The following INF2 variants were observed in gnomAD, a reference collection of about 807,000 sequenced individuals.
INF2 encodes the protein inverted formin-2.
A neutral mutation model predicts 123.5 loss-of-function variants in INF2; 43 were observed. The observed-to-expected ratio is 0.35, with a 90% CI of 0.27 to 0.45. INF2 has a LOEUF of 0.45. Among genes scored for constraint, INF2 ranks in the 20% least tolerant of loss-of-function variants. The probability of loss-of-function intolerance (pLI) is 1.00; values close to 1 mark genes in which losing one functional copy is unlikely to be tolerated. For missense variants in INF2, 1,453 were observed against 1,682.7 expected (o/e 0.86, Z 2.39); for synonymous variants, 851 against 745.0 (o/e 1.14, Z -2.32).
At chr14:104,704,478 C>T (rs539744310) in intron 5 of INF2, 9 of 186,618 alleles carry the variant, frequency 4.8e-5, no homozygotes, top group African/African-American at 9.3e-5. Flanking sequence ...AGGAAGTGAG[C>T]GGTGGGCGGG....
At chr14:104,682,971 C>A (rs534321900) in intron 1 of INF2, among the ~76,000 whole-genome samples, 2 of 151,982 alleles carry the variant, frequency 1.3e-5, no homozygotes, top group Admixed American at 1.3e-4. Flanking sequence ...CAGAGTAACA[C>A]GGCTATACGG....
chr14:104,715,812 C>A, intron 22 of INF2: 1 of 463,584 alleles, frequency 2.2e-6, no homozygotes, highest in South Asian at 1.5e-5. Context: ...TGGCGTGGGG[C>A]CTTCTGGGGC....
intron 1 of INF2, among the ~76,000 whole-genome samples, chr14:104,683,288 T>A (rs1049789601): frequency 4.6e-5 from 7 of 151,896 alleles, no homozygotes; most frequent in African/African-American, 1.7e-4. Context: ...CCAGAATAAA[T>A]CCCAAGCATG....
At position 104,711,619 on chromosome 14, in the gene INF2, C is replaced by T. The variant is rs1345689717; in HGVS notation, c.2419-10C>T. ...CCACAGTGGATCTCACTGGACGTGT[C>T]CCATTGCAGGAAGCGGAAAAGAGCC... is the stretch of plus-strand genomic sequence containing the variant. On this transcript the variant is annotated splice_polypyrimidine_tract_variant and intron_variant, in intron 15 of 22. Transcript: ENST00000392634. 2 of 1,612,232 alleles carry T rather than the reference C, an allele frequency of 1.2e-6. No homozygotes were observed. Among genetic ancestry groups the T allele is most frequent in the South Asian group, 2.2e-5 (2 of 91,062 alleles).
chr14:104,714,996 G>A (rs533191203), intron 21 of INF2, 140 bp downstream of exon 21: 88 of 939,204 alleles, frequency 9.4e-5, no homozygotes, highest in African/African-American at 8.8e-4. Flanking sequence ...GAGAGGAGGC[G>A]GCAGTGCGTC....
upstream of INF2, among the ~76,000 whole-genome samples, chr14:104,688,205 C>T (rs1175277576): frequency 2.0e-5 from 3 of 152,256 alleles, no homozygotes; most frequent in Admixed American, 2.0e-4. Context: ...CCTTGGCTGG[C>T]TCCTCAGGCA....
chr14:104,706,982 C>G lies in INF2; in HGVS notation c.916C>G (p.Arg306Gly). Residue 306 changes from arginine to glycine, a missense_variant, in exon 7 of 23, where the codon CGC (arginine) becomes GGC (glycine). This residue lies in a region of INF2 where 374 missense variants were observed against 303.7 expected (regional missense o/e 1.23). Coordinates refer to ENST00000392634, the MANE Select transcript of INF2 (RefSeq NM_022489.4). ...CCTCCTGCACCTGGAGCCCACCCTC[C>G]GCTCCAGCCAGCTGCTCTGGGAGGC... ...QGLLHLEPTL[R>G]SSQLLWEALE... The G allele has an allele frequency of 6.3e-7, 1 of 1,599,636 alleles. No individual in the cohort carries two copies. The highest frequency in any genetic ancestry group is 8.5e-7 in the Non-Finnish European group (1 of 1,178,778).
At position 104,701,345 on chromosome 14, in the gene INF2, C is replaced by T. The variant is rs1889482378; in HGVS notation, c.-9-12C>T. 2 of 1,564,018 alleles carry T rather than the reference C, an allele frequency of 1.3e-6. No homozygotes were observed. The highest frequency in any genetic ancestry group is 1.4e-5 in the African/African-American group (1 of 73,696). ...CCCTCCCCGCTGACGGCTCCCTGCC[C>T]TCTGCCTGCAGCTCGGCAAGATGTC... is the stretch of plus-strand genomic sequence containing the variant. On this transcript the variant is annotated splice_polypyrimidine_tract_variant and intron_variant, in intron 1 of 22. Transcript: ENST00000392634.
In INF2 at chr14:104,707,815, A is replaced by C. The variant is rs1291086644; in HGVS notation, c.1548A>C (p.Pro516=). 1.8e-5 allele frequency: 20 copies of C among 1,125,106 alleles called. No individual in the cohort carries two copies. Among genetic ancestry groups the C allele is most frequent in the African/African-American group, 1.3e-4 (5 of 39,132 alleles). The allele number at this position is 1,125,106 out of a possible 1,614,324, so 69.7% of individuals were successfully genotyped here. Residue 516 remains proline, a synonymous_variant, in exon 8 of 23, where the codon CCA becomes CCC. Coordinates refer to ENST00000392634, the MANE Select transcript of INF2 (RefSeq NM_022489.4). The part of the protein sequence containing the change: ...LLPGMGWGPP[P]PPPPLLPCTC... The stretch of plus-strand genomic sequence containing the variant: ...CTGGTATGGGCTGGGGCCCTCCTCC[A>C]CCCCCACCTCCACTACTGCCCTGCA...
intron 1 of INF2, among the ~76,000 whole-genome samples, chr14:104,701,123 A>C (rs1889464733): frequency 6.6e-6 from 1 of 152,026 alleles, no homozygotes; most frequent in Non-Finnish European, 1.5e-5. Flanking sequence ...TCATGCGCGC[A>C]GTAGGGCCCT....
intron 1 of INF2, among the ~76,000 whole-genome samples, chr14:104,692,756 A>G (rs1181127179): frequency 6.6e-6 from 1 of 152,252 alleles, no homozygotes; most frequent in African/African-American, 2.4e-5. Context: ...GTCACAGCCC[A>G]GATGGGATGA....
chr14:104,709,262 G>A lies in INF2; in HGVS notation c.1950-19G>A, dbSNP rs745859621. ...ACTCATGATTCACTCACCCCTGCCC[G>A]GTCCTCTCCCTGCTCCAGCTCCAAC... On this transcript the variant is annotated intron_variant, in intron 10 of 22. Coordinates refer to ENST00000392634, the MANE Select transcript of INF2 (RefSeq NM_022489.4). The A allele has an allele frequency of 6.3e-6, 10 of 1,599,324 alleles. No homozygotes were observed. The highest frequency in any genetic ancestry group is 2.2e-5 in the East Asian group (1 of 44,728).
chr14:104,700,238 T>C (rs1889406540), intron 1 of INF2, among the ~76,000 whole-genome samples: 1 of 152,148 alleles, frequency 6.6e-6, no homozygotes, highest in African/African-American at 2.4e-5. Context: ...TGCCCAGGTG[T>C]GGGACTGTGG....
At position 104,718,994 on chromosome 14, in the gene INF2, C is replaced by G; in HGVS notation, c.*201C>G. ...AACCCGACAGGCACCAGTGCCCTGC[C>G]AGGCCTGGTGCCCTCCTGGACCGCC... On this transcript the variant is annotated 3_prime_UTR_variant, in exon 23 of 23. Coordinates refer to ENST00000392634, the MANE Select transcript of INF2 (RefSeq NM_022489.4). 1.5e-6 allele frequency: 2 copies of G among 1,293,850 alleles called. No individual in the cohort carries two copies. The highest frequency in any genetic ancestry group is 2.6e-5 in the East Asian group (1 of 38,204). The allele number at this position is 1,293,850 out of a possible 1,614,324, so 80.1% of individuals were successfully genotyped here.
At chr14:104,701,057 C>A (rs557679767) in intron 1 of INF2, among the ~76,000 whole-genome samples, 1 of 152,290 alleles carries the variant, frequency 6.6e-6, no homozygotes, top group East Asian at 1.9e-4. Flanking sequence ...GTGCTGGCCT[C>A]GTGCTGCAGG....
At chr14:104,683,268 G>A (rs1053061863) in intron 1 of INF2, among the ~76,000 whole-genome samples, 1 of 152,118 alleles carries the variant, frequency 6.6e-6, no homozygotes. Flanking sequence ...GTGGCTTCCT[G>A]GTGACCCTTC....
chr14:104,717,075 A>T (rs998332940), intron 22 of INF2, among the ~76,000 whole-genome samples: 1 of 152,200 alleles, frequency 6.6e-6, no homozygotes, highest in Non-Finnish European at 1.5e-5. Flanking sequence ...CGAAATTACA[A>T]CCATTTGCCA....
rs1889893121 is a variant in INF2, at chr14:104,708,552, A to T, written c.1852A>T (p.Met618Leu). 34 of 1,611,924 alleles carry T rather than the reference A, an allele frequency of 2.1e-5. No homozygotes were observed. The highest frequency in any genetic ancestry group is 2.9e-5 in the Non-Finnish European group (34 of 1,179,662). ...FPAAKPKEPT[M>L]VAPRARKEPK... ...TGCAGCCAAGCCCAAGGAGCCCACC[A>T]TGGTGGCCCCCCGGGCCAGGAAGGA... The change falls in exon 9 of 23, where the codon ATG becomes TTG. Residue 618 changes from methionine (M) to leucine (L), a missense_variant. By Grantham distance (15) the Met-to-Leu change is conservative (BLOSUM62 2). Around this residue, in one of 8 missense-constraint regions of INF2, gnomAD observed 192 missense variants for 274.4 expected, o/e 0.70. Transcript: ENST00000392634.
rs943505617 is a variant in INF2 at position 104,699,394 on chromosome 14, G to T, written c.-9-1963G>T. The T allele has an allele frequency of 1.0e-5, 10 of 985,240 alleles. No homozygotes were observed. The highest frequency in any genetic ancestry group is 8.4e-6 in the Non-Finnish European group (7 of 829,920). The allele number at this position is 985,240 out of a possible 1,614,324, so 61.0% of individuals were successfully genotyped here. ...CGGGTGGGAATATATGCAGAGGCCC[G>T]GCTGCCTGGCTCTTCATGGTGGTGG... On this transcript the variant is annotated intron_variant, in intron 1 of 22. Coordinates refer to ENST00000392634, the MANE Select transcript of INF2 (RefSeq NM_022489.4). The surrounding 1 kb of genome is among the most constrained non-coding windows in gnomAD (Gnocchi z 4.7).
Sources: gnomAD v4.1 joint callset for allele counts (sites outside exome capture counted in the v4.1 genomes callset) on GRCh38, gnomAD v4.1.1 for gene constraint, gnomAD v4.1.1 regional missense constraint, Gnocchi (gnomAD v3.1) non-coding constraint, MANE v1.5 for transcripts, NCBI Gene and HGNC (gene_info 2026-07-23, HGNC 2026-07-21) for gene names.